Variants in TEX2 observed in about 807,000 individuals in gnomAD.
TEX2 encodes testis expressed 2.
Under a neutral mutation model 106.9 loss-of-function variants are expected in TEX2, and 53 were observed. The observed-to-expected ratio is 0.50, with a 90% CI of 0.40 to 0.62. The LOEUF is 0.62. TEX2 is among the 20% of genes least tolerant of loss of function. TEX2 has a pLI of 0.00. For missense variants in TEX2, 1,207 were observed against 1,379.0 expected, an observed-to-expected ratio of 0.88 and a Z score of 1.98; for synonymous variants, 523 against 534.8, an observed-to-expected ratio of 0.98 and a Z score of 0.30.
chr17:64,166,554 C>T (rs1457891607), intron 7 of TEX2, among the ~76,000 whole-genome samples: 1 of 152,234 alleles, frequency 6.6e-6, no homozygotes, highest in Non-Finnish European at 1.5e-5. Flanking sequence ...TTGAGGCAAT[C>T]TGACTGCCCT....
intron 1 of TEX2, among the ~76,000 whole-genome samples, chr17:64,257,696 C>T (rs149711557): frequency 4.6e-4 from 70 of 152,262 alleles, no homozygotes; most frequent in African/African-American, 1.5e-3. Context: ...GTTCAAGTAA[C>T]GCTTATTTTA....
intron 11 of TEX2, chr17:64,150,595 C>T: frequency 3.7e-6 from 1 of 268,044 alleles, no homozygotes; most frequent in Non-Finnish European, 7.0e-6. Context: ...CATCATTTTG[C>T]TCTGACCCAA....
chr17:64,252,764 G>C (rs782103085), intron 1 of TEX2, among the ~76,000 whole-genome samples: 1 of 152,022 alleles, frequency 6.6e-6, no homozygotes, highest in African/African-American at 2.4e-5. Flanking sequence ...TATATAACGC[G>C]GAGCAAAATA....
At chr17:64,151,569 T>C (rs116854971) in intron 10 of TEX2, among the ~76,000 whole-genome samples, 2 of 152,234 alleles carry the variant, frequency 1.3e-5, no homozygotes, top group East Asian at 1.9e-4. Context: ...CCCTGTATGC[T>C]ATCAACTATC....
chr17:64,254,693 C>T lies in TEX2; in HGVS notation c.-26+8475G>A, dbSNP rs2034152965. Among the ~76,000 whole-genome samples the T allele has an allele frequency of 2.6e-5, 4 of 152,176 alleles. No homozygotes were observed. The South Asian group carries it at 8.3e-4, about 32-fold the overall frequency. ...TCCTGTTTCATGCTACAAGTGAATA[C>T]TATAAATTGAACTTAAAGTAACATA... On this transcript the variant is annotated intron_variant, in intron 1 of 11. Coordinates refer to ENST00000584379, the MANE Select transcript of TEX2 (RefSeq NM_001288732.2).
chr17:64,167,043 C>G (rs9900936), intron 7 of TEX2, among the ~76,000 whole-genome samples: 108,248 of 152,008 alleles, frequency 0.71, 38,632 homozygotes, highest in East Asian at 0.83. Flanking sequence ...GCAGGAGGAG[C>G]ACAGCCAGTT....
chr17:64,251,524 A>C (rs188985567), intron 1 of TEX2, among the ~76,000 whole-genome samples: 1 of 152,274 alleles, frequency 6.6e-6, no homozygotes, highest in Admixed American at 6.5e-5. Context: ...CTTCCTTCCA[A>C]AAGAACATTA....
At chr17:64,197,473 TC>T (rs2143930443) in intron 2 of TEX2, among the ~76,000 whole-genome samples, 1 of 152,316 alleles carries the variant, frequency 6.6e-6, no homozygotes, top group South Asian at 2.1e-4. Flanking sequence ...GCCCCCTCTT[TC>T]AGTCCTGACA....
intron 8 of TEX2, 132 bp downstream of exon 8, chr17:64,160,668 TG>T: frequency 8.7e-7 from 1 of 1,149,402 alleles, no homozygotes; most frequent in Non-Finnish European, 1.2e-6. Context: ...TGAAATGCTC[TG>T]GTCCAGGAGC....
intron 7 of TEX2, among the ~76,000 whole-genome samples, chr17:64,166,444 G>T (rs2031139799): frequency 6.6e-6 from 1 of 152,212 alleles, no homozygotes; most frequent in East Asian, 1.9e-4. Flanking sequence ...CTCTGATGGG[G>T]CCTAGACTCC....
chr17:64,167,536 G>C (rs1399005295), intron 7 of TEX2, among the ~76,000 whole-genome samples: 1 of 152,048 alleles, frequency 6.6e-6, no homozygotes, highest in Non-Finnish European at 1.5e-5. Context: ...ATCCCTGTTT[G>C]AGCTGGGCGC....
chr17:64,228,891 G>A (rs1212165952), intron 1 of TEX2, among the ~76,000 whole-genome samples: 1 of 149,334 alleles, frequency 6.7e-6, no homozygotes, highest in Non-Finnish European at 1.5e-5. Flanking sequence ...ACTATTTCTT[G>A]GACCACCTCC....
At chr17:64,221,865 C>T (rs527292647) in intron 1 of TEX2, among the ~76,000 whole-genome samples, 68 of 152,302 alleles carry the variant, frequency 4.5e-4, no homozygotes, top group African/African-American at 1.6e-3. Flanking sequence ...CATGCTACTA[C>T]ATGGATGAAC....
At position 64,162,064 on chromosome 17, in the gene TEX2, A is replaced by G. The variant is rs994707703; in HGVS notation, c.2672-1131T>C. Among the ~76,000 whole-genome samples the G allele has an allele frequency of 2.0e-5, 3 of 152,184 alleles. No homozygotes were observed. In the East Asian group the frequency reaches 5.8e-4, roughly 29 times the overall value. The stretch of plus-strand genomic sequence containing the variant: ...CAGGATGATTTCCATTTTGTTTTCA[A>G]CAAATTCTTTTTACCATAATGGAAG... On this transcript the variant is annotated intron_variant, in intron 7 of 11. Coordinates refer to ENST00000584379, the MANE Select transcript of TEX2 (RefSeq NM_001288732.2).
At chr17:64,158,406 A>G (rs9900195) in intron 8 of TEX2, among the ~76,000 whole-genome samples, 124,396 of 152,252 alleles carry the variant, frequency 0.82, 50,914 homozygotes, top group Middle Eastern at 0.89. Flanking sequence ...TGTGGAGTGA[A>G]GCCCTGGACA....
At chr17:64,170,878 G>A (rs917174876) in intron 7 of TEX2, among the ~76,000 whole-genome samples, 1 of 152,010 alleles carries the variant, frequency 6.6e-6, no homozygotes, top group Admixed American at 6.6e-5. Context: ...CAGGTGATCC[G>A]CCTGCCTTGG....
intron 5 of TEX2, among the ~76,000 whole-genome samples, chr17:64,184,042 G>A (rs1424039844): frequency 1.3e-5 from 2 of 152,198 alleles, no homozygotes; most frequent in Non-Finnish European, 2.9e-5. Flanking sequence ...ATCTTTTCAT[G>A]TGCTTGCTTA....
intron 5 of TEX2, among the ~76,000 whole-genome samples, chr17:64,177,883 G>A (rs1042458505): frequency 1.3e-5 from 2 of 152,164 alleles, no homozygotes; most frequent in Non-Finnish European, 1.5e-5. Flanking sequence ...CCGGGCAGAC[G>A]CCACAGTTCC....
At chr17:64,182,003 G>C (rs1444766788) in intron 5 of TEX2, among the ~76,000 whole-genome samples, 1 of 152,002 alleles carries the variant, frequency 6.6e-6, no homozygotes, top group Admixed American at 6.6e-5. Flanking sequence ...TGAAAGCAGG[G>C]TCTCAAAACA....
Sources: allele counts gnomAD v4.1 joint callset (sites outside exome capture counted in the v4.1 genomes callset), GRCh38; gene constraint gnomAD v4.1.1; transcripts MANE v1.5; gene names NCBI Gene and HGNC (gene_info 2026-07-23, HGNC 2026-07-21).